The following CNTROB variants were observed in gnomAD, a reference collection of about 807,000 sequenced individuals.
The protein encoded by CNTROB is centrobin, centriole duplication and spindle assembly protein, also known as centrobin.
Under a neutral mutation model 115.7 loss-of-function variants are expected in CNTROB, and 82 were observed. The ratio of observed to expected loss-of-function variants is 0.71; its 90% CI spans 0.59 to 0.85. The LOEUF (loss-of-function observed/expected upper bound fraction) is 0.85. Among genes scored for constraint, CNTROB ranks in the 40% least tolerant of loss-of-function variants. CNTROB has a pLI of 0.00. For missense variants in CNTROB, 1,014 were observed against 1,144.4 expected, an observed-to-expected ratio of 0.89 and a Z score of 1.64; for synonymous variants, 439 against 456.4, an observed-to-expected ratio of 0.96 and a Z score of 0.49.
In CNTROB at chr17:7,939,649, TAGA is replaced by T. The variant is rs777301867; in HGVS notation, c.1072_1074del (p.Glu358del). The T allele has an allele frequency of 9.9e-6, 16 of 1,613,994 alleles. No homozygotes were observed. The Middle Eastern group carries it at 9.9e-4, about 100-fold the overall frequency. Reference sequence around the variant, plus strand: ...GAGTTGGAGACTCTTCGGGCTGCCCTAGAAGAAGAACGGCAGACCTGGGCCCAG... The same window carrying T: ...GAGTTGGAGACTCTTCGGGCTGCCCTAGAAGAACGGCAGACCTGGGCCCAG... On this transcript the variant is annotated inframe_deletion, in exon 8 of 19. Coordinates refer to ENST00000563694, the MANE Select transcript of CNTROB (RefSeq NM_053051.5). This position sits in a 1 kb window ranked among gnomAD's most constrained non-coding sequence, Gnocchi z 4.4.
chr17:7,936,792 A>T lies in CNTROB; in HGVS notation c.803A>T (p.Glu268Val). 3 of 1,473,734 alleles carry T rather than the reference A, an allele frequency of 2.0e-6. No individual in the cohort carries two copies. Among genetic ancestry groups the T allele is most frequent in the Non-Finnish European group, 2.9e-6 (3 of 1,051,608 alleles). 91.3% of individuals were successfully genotyped at this position (1,473,734 alleles called of 1,614,324 possible). A position where few individuals can be genotyped will look rare whatever the true frequency, so the allele number is the denominator to read the frequency against. ...RGLQEEHQAA[E>V]LTRSKQQETV... is the part of the protein sequence containing the mutation. ...CTTCAAGAGGAACACCAGGCAGCAG[A>T]GCTCACCAGAAGCAAGCAGCAGGAG... is the stretch of plus-strand genomic sequence containing the variant. Residue 268 changes from glutamate to valine, a missense_variant, in exon 6 of 19, where the codon GAG becomes GTG. Coordinates refer to ENST00000563694, the MANE Select transcript of CNTROB (RefSeq NM_053051.5).
chr17:7,939,740 A>G lies in CNTROB; in HGVS notation c.1155A>G (p.Glu385=), dbSNP rs924620566. 6.2e-7 allele frequency: 1 copy of G among 1,613,852 alleles called. No individual in the cohort carries two copies. Among genetic ancestry groups the G allele is most frequent in the Non-Finnish European group, 8.5e-7 (1 of 1,179,966 alleles). ...AGGAGGAGAGCCAGGCTCAGCTGGAAAGGGAGAAGGTAAAAGTGGCAGTTG... is the reference window on the plus strand; with the variant it reads ...AGGAGGAGAGCCAGGCTCAGCTGGAGAGGGAGAAGGTAAAAGTGGCAGTTG... ...ALQEESQAQL[E]REKEKSQREA... Residue 385 remains glutamate, a synonymous_variant, in exon 8 of 19, where the codon GAA becomes GAG. Transcript: ENST00000563694. This position sits in a 1 kb window ranked among gnomAD's most constrained non-coding sequence, Gnocchi z 4.4.
At chr17:7,938,001 G>GTTTTTTTTTTTTTTTTTT in intron 7 of CNTROB, among the ~76,000 whole-genome samples, 1 of 104,310 alleles carries the variant, frequency 9.6e-6, no homozygotes, top group African/African-American at 3.9e-5. Flanking sequence ...TTCTTTTCGT[G>GTTTTTTTTTTTTTTTTTT]TTTTTTTTTT....
intron 12 of CNTROB, chr17:7,945,348 AAAAG>A (rs1176360948): frequency 6.6e-6 from 1 of 152,446 alleles, no homozygotes; most frequent in Non-Finnish European, 1.5e-5. Flanking sequence ...CAAAAAAAGA[AAAAG>A]AAGAAAAAAT....
chr17:7,936,599 G>A (rs1973206734), intron 5 of CNTROB, 102 bp from the exon 6 acceptor site: 16 of 794,960 alleles, frequency 2.0e-5, no homozygotes, highest in Non-Finnish European at 3.7e-5. Context: ...CAAGGGGTTG[G>A]TTTGCTGACT....
rs1277292987 is a variant in CNTROB, at chr17:7,940,101, G to A, written c.1170G>A (p.Lys390=). Residue 390 remains lysine (K), a synonymous_variant, in exon 9 of 19, where the codon AAG becomes AAA. Coordinates refer to ENST00000563694, the MANE Select transcript of CNTROB (RefSeq NM_053051.5). ...SQAQLEREKE[K]SQREAQAAWE... ...ATTTGATTTGTCTTTCATAGGAGAA[G>A]AGCCAGAGGGAAGCCCAGGCCGCCT... 2 of 1,599,496 alleles carry A rather than the reference G, an allele frequency of 1.3e-6. No individual in the cohort carries two copies. The highest frequency in any genetic ancestry group is 1.7e-6 in the Non-Finnish European group (2 of 1,174,232).
chr17:7,947,606 G>C lies in CNTROB; in HGVS notation c.2029G>C (p.Asp677His). The C allele has an allele frequency of 5.0e-6, 8 of 1,612,844 alleles. No homozygotes were observed. The highest frequency in any genetic ancestry group is 6.8e-6 in the Non-Finnish European group (8 of 1,179,060). ...CTCTGCACTTGGGGCCTTCCATCCC[G>C]ATCATAGGGCAGAAAGGCCATTCCC... is the stretch of plus-strand genomic sequence containing the variant. The part of the protein sequence containing the change: ...AFSALGAFHP[D>H]HRAERPFPEE... Residue 677 changes from aspartate (D) to histidine (H), a missense_variant, in exon 14 of 19, where the codon GAT becomes CAT. By Grantham distance (81) the Asp-to-His change is moderately conservative. Transcript: ENST00000563694.
At chr17:7,947,506 T>G in intron 13 of CNTROB, 65 bp from the exon 14 acceptor site, 1 of 1,460,146 alleles carries the variant, frequency 6.8e-7, no homozygotes, top group Non-Finnish European at 9.2e-7. Flanking sequence ...GGTGAGTTGA[T>G]TTGTGGAGAA....
chr17:7,943,549 C>G lies in CNTROB; in HGVS notation c.1445+25C>G. On this transcript the variant is annotated intron_variant, in intron 10 of 18. Coordinates refer to ENST00000563694, the MANE Select transcript of CNTROB (RefSeq NM_053051.5). This position sits in a 1 kb window ranked among gnomAD's most constrained non-coding sequence, Gnocchi z 4.7. ...GGTACGTGGGACTCACTGGGTGTCA[C>G]TTCTCTCAGCCACAGCACGTATCGT... 1 of 1,601,192 alleles carries G rather than the reference C, an allele frequency of 6.2e-7. No individual in the cohort carries two copies. The highest frequency in any genetic ancestry group is 8.5e-7 in the Non-Finnish European group (1 of 1,171,092).
At chr17:7,945,647 CTTA>C in intron 12 of CNTROB, 78 bp from the exon 13 acceptor site, 2 of 1,424,178 alleles carry the variant, frequency 1.4e-6, no homozygotes, top group Non-Finnish European at 1.9e-6. Context: ...AATTTATAAT[CTTA>C]TTAAAGTGTT....
In CNTROB at chr17:7,934,553, TCTC is replaced by T. The variant is rs762802064; in HGVS notation, c.437+10_437+12del. On this transcript the variant is annotated splice_region_variant and intron_variant, in intron 3 of 18. Transcript: ENST00000563694. ...GCACAGCCACCTTGCTCAAGTGAGTTCTCCTTGTGGTTCTCCTAGCTTGTTTGC... is the reference window on the plus strand; with the variant it reads ...GCACAGCCACCTTGCTCAAGTGAGTTCTTGTGGTTCTCCTAGCTTGTTTGC... The T allele has an allele frequency of 4.5e-5, 73 of 1,609,666 alleles. No individual in the cohort carries two copies. The highest frequency in any genetic ancestry group is 5.2e-5 in the Non-Finnish European group (61 of 1,176,058).
chr17:7,933,273 A>G lies in CNTROB; in HGVS notation c.194A>G (p.His65Arg), dbSNP rs530707394. 3.7e-5 allele frequency: 59 copies of G among 1,614,178 alleles called. No individual in the cohort carries two copies. In the South Asian group the frequency reaches 6.1e-4, roughly 17 times the overall value. Residue 65 changes from histidine to arginine, a missense_variant, in exon 1 of 19, where the codon CAT (histidine) becomes CGT (arginine). Physicochemically the swap from His to Arg is conservative, Grantham distance 29. Coordinates refer to ENST00000563694, the MANE Select transcript of CNTROB (RefSeq NM_053051.5). Reference sequence around the variant, plus strand: ...TATTTACCCTCCACCTCCCCGCCTCATGAAGGGTTAGACGGCTTCGCCCAA... The same window carrying G: ...TATTTACCCTCCACCTCCCCGCCTCGTGAAGGGTTAGACGGCTTCGCCCAA... ...QLYLPSTSPP[H>R]EGLDGFAQEL...
Position 7,945,968 on chromosome 17 carries a change from G to T in CNTROB, c.1975G>T (p.Asp659Tyr). The T allele has an allele frequency of 6.2e-7, 1 of 1,614,170 alleles. No individual in the cohort carries two copies. Among genetic ancestry groups the T allele is most frequent in the Non-Finnish European group, 8.5e-7 (1 of 1,180,004 alleles). The change falls in exon 13 of 19, where the codon GAC becomes TAC. Residue 659 changes from aspartate (D) to tyrosine (Y), a missense_variant. Asp to Tyr is a radical substitution (Grantham distance 160). Transcript: ENST00000563694. ...HSFQPLEPKP[D>Y]LTSSTAGAFS... ...TTTCCAGCCCCTGGAGCCCAAACCAGACCTCACTTCATCCACAGGTAACTG... is the reference window on the plus strand; with the variant it reads ...TTTCCAGCCCCTGGAGCCCAAACCATACCTCACTTCATCCACAGGTAACTG...
rs184383653 is a variant in CNTROB at position 7,934,934 on chromosome 17, C to T, written c.438-55C>T. 1.6e-3 allele frequency: 2,364 copies of T among 1,518,478 alleles called. 39 individuals carry two copies. The highest frequency in any genetic ancestry group is 1.7e-4 in the Non-Finnish European group (193 of 1,132,802). The allele number at this position is 1,518,478 out of a possible 1,614,324, so 94.1% of individuals were successfully genotyped here. On this transcript the variant is annotated intron_variant, in intron 3 of 18. Transcript: ENST00000563694. ...TCATTTGTAGAATATCACAGTTGGA[C>T]AAGTGGATTCCAAAAGCTTTCCCAG...
In CNTROB at chr17:7,943,570, AT is replaced by A; in HGVS notation, c.1445+47del. On this transcript the variant is annotated intron_variant, in intron 10 of 18. Coordinates refer to ENST00000563694, the MANE Select transcript of CNTROB (RefSeq NM_053051.5). The surrounding 1 kb of genome is among the most constrained non-coding windows in gnomAD (Gnocchi z 4.7). ...GTCACTTCTCTCAGCCACAGCACGT[AT>A]CGTTAGTGCCAGGCCTGTGTTCCCT... is the stretch of plus-strand genomic sequence containing the variant. 6.3e-7 allele frequency: 1 copy of A among 1,581,318 alleles called. No individual in the cohort carries two copies. Among genetic ancestry groups the A allele is most frequent in the Non-Finnish European group, 8.6e-7 (1 of 1,158,664 alleles).
At chr17:7,949,202 C>A in intron 18 of CNTROB, 45 bp downstream of exon 18, 2 of 1,590,928 alleles carry the variant, frequency 1.3e-6, no homozygotes, top group Non-Finnish European at 1.7e-6. Flanking sequence ...AGGGCTCTCA[C>A]TGACCAGCTC....
At position 7,944,257 on chromosome 17, in the gene CNTROB, C is replaced by G; in HGVS notation, c.1571+9C>G. 1 of 1,613,008 alleles carries G rather than the reference C, an allele frequency of 6.2e-7. No homozygotes were observed. The highest frequency in any genetic ancestry group is 8.5e-7 in the Non-Finnish European group (1 of 1,178,992). ...GAGGACTACGAGCTCAGGTCCTGGTCCCCAGAGTGCCCCTTTCAGGCCCCA... is the reference window on the plus strand; with the variant it reads ...GAGGACTACGAGCTCAGGTCCTGGTGCCCAGAGTGCCCCTTTCAGGCCCCA... On this transcript the variant is annotated intron_variant, in intron 11 of 18. Transcript: ENST00000563694. This position sits in a 1 kb window ranked among gnomAD's most constrained non-coding sequence, Gnocchi z 4.0.
At position 7,944,082 on chromosome 17, in the gene CNTROB, G is replaced by C; in HGVS notation, c.1446-41G>C. 6.5e-7 allele frequency: 1 copy of C among 1,543,218 alleles called. No individual in the cohort carries two copies. Among genetic ancestry groups the C allele is most frequent in the Non-Finnish European group, 8.9e-7 (1 of 1,118,526 alleles). Reference sequence around the variant, plus strand: ...TTTTTCTCAGTTGGTCACTTCTTCTGTCTCCAGTCTCAGGCCTCTTCTCCT... The same window carrying C: ...TTTTTCTCAGTTGGTCACTTCTTCTCTCTCCAGTCTCAGGCCTCTTCTCCT... On this transcript the variant is annotated intron_variant, in intron 10 of 18. Coordinates refer to ENST00000563694, the MANE Select transcript of CNTROB (RefSeq NM_053051.5). The surrounding 1 kb of genome is among the most constrained non-coding windows in gnomAD (Gnocchi z 4.0).
rs755540901 is a variant in CNTROB at position 7,937,203 on chromosome 17, G to A, written c.868G>A (p.Glu290Lys). ...GGAACAAAGCCTTTCTGAGGCCATG[G>A]AGGCCCTGAATCGTGAGCAGGAAAG... The part of the protein sequence containing the change: ...RLEQSLSEAM[E>K]ALNREQESAR... The change falls in exon 7 of 19, where the codon GAG becomes AAG. Residue 290 changes from glutamate to lysine, a missense_variant. By Grantham distance (56) the Glu-to-Lys change is moderately conservative. Transcript: ENST00000563694. 78 of 1,614,192 alleles carry A rather than the reference G, an allele frequency of 4.8e-5. No homozygotes were observed. Among genetic ancestry groups the A allele is most frequent in the Non-Finnish European group, 6.1e-5 (72 of 1,180,018 alleles).
Sources: allele counts gnomAD v4.1 joint callset (sites outside exome capture counted in the v4.1 genomes callset), GRCh38; gene constraint gnomAD v4.1.1; non-coding constraint Gnocchi (gnomAD v3.1); transcripts MANE v1.5; gene names NCBI Gene and HGNC (gene_info 2026-07-23, HGNC 2026-07-21).